Variants in GAREM1 observed in about 807,000 individuals in gnomAD.
GAREM1 encodes GRB2-associated and regulator of MAPK protein 1.
GAREM1 carries 26 observed loss-of-function variants against 71.3 expected under a neutral mutation model. The observed-to-expected ratio is 0.36, with a 90% confidence interval of 0.27 to 0.51. The LOEUF is 0.51. Ranked by LOEUF, GAREM1 falls within the 20% of genes least tolerant of loss-of-function variation. The probability of loss-of-function intolerance (pLI) is 0.95; values close to 1 mark genes in which losing one functional copy is unlikely to be tolerated. For missense variants in GAREM1, 1,026 were observed against 1,103.1 expected, an observed-to-expected ratio of 0.93 and a Z score of 0.99; for synonymous variants, 440 against 433.2, an observed-to-expected ratio of 1.02 and a Z score of -0.20.
chr18:32,358,720 C>A (rs974984466), intron 2 of GAREM1, among the ~76,000 whole-genome samples: 2 of 152,124 alleles, frequency 1.3e-5, no homozygotes, highest in African/African-American at 4.8e-5. Flanking sequence ...TTACGTCAAT[C>A]CTGGTGGCCT....
At chr18:32,367,940 T>C (rs1220877881) in intron 2 of GAREM1, among the ~76,000 whole-genome samples, 5 of 152,350 alleles carry the variant, frequency 3.3e-5, no homozygotes, top group African/African-American at 1.2e-4. Context: ...CATGAAATGT[T>C]TGAGACGTTC....
intron 3 of GAREM1, 115 bp downstream of exon 3, chr18:32,310,078 T>C: frequency 8.6e-7 from 1 of 1,160,316 alleles, no homozygotes; most frequent in Non-Finnish European, 1.2e-6. Context: ...CCACTAACTA[T>C]TAGAAGATAA....
At chr18:32,424,625 A>G (rs759763097) in intron 1 of GAREM1, among the ~76,000 whole-genome samples, 12 of 152,330 alleles carry the variant, frequency 7.9e-5, no homozygotes, top group Non-Finnish European at 1.8e-4. Flanking sequence ...AACTATATCA[A>G]GATACTGTAT....
At chr18:32,363,954 A>G (rs4485446) in intron 2 of GAREM1, among the ~76,000 whole-genome samples, 11,034 of 136,918 alleles carry the variant, frequency 0.081, 801 homozygotes, top group African/African-American at 0.18. Context: ...ATGTATAATT[A>G]TAAATACATA....
chr18:32,305,048 A>G (rs1393329717), intron 3 of GAREM1, among the ~76,000 whole-genome samples: 1 of 152,040 alleles, frequency 6.6e-6, no homozygotes, highest in African/African-American at 2.4e-5. Context: ...AGCCTATTAC[A>G]GTTAAAAAAA....
intron 3 of GAREM1, among the ~76,000 whole-genome samples, chr18:32,308,794 T>C (rs972674941): frequency 1.3e-5 from 2 of 150,426 alleles, no homozygotes; most frequent in Non-Finnish European, 3.0e-5. Context: ...AAATATAAAA[T>C]ATCACTCATC....
At chr18:32,394,463 T>C (rs140370141) in intron 1 of GAREM1, among the ~76,000 whole-genome samples, 38 of 152,224 alleles carry the variant, frequency 2.5e-4, no homozygotes, top group African/African-American at 8.9e-4. Flanking sequence ...GAATACTTTA[T>C]AGTGCAAAAT....
At chr18:32,300,161 G>A (rs949887033) in intron 3 of GAREM1, among the ~76,000 whole-genome samples, 1 of 152,150 alleles carries the variant, frequency 6.6e-6, no homozygotes, top group Non-Finnish European at 1.5e-5. Context: ...CCAGAAACTG[G>A]CTAGCTAGAA....
chr18:32,442,148 G>C (rs2048744545), intron 1 of GAREM1, among the ~76,000 whole-genome samples: 1 of 152,088 alleles, frequency 6.6e-6, no homozygotes, highest in African/African-American at 2.4e-5. Flanking sequence ...ACTTAGCACT[G>C]CTAAGTAAAC....
intron 1 of GAREM1, among the ~76,000 whole-genome samples, chr18:32,411,082 C>A (rs1490511573): frequency 6.6e-6 from 1 of 152,204 alleles, no homozygotes; most frequent in Non-Finnish European, 1.5e-5. Flanking sequence ...GGATTACAGG[C>A]ATGAGCCACC....
chr18:32,412,569 C>T (rs1411732002), intron 1 of GAREM1: 1 of 1,594,020 alleles, frequency 6.3e-7, no homozygotes. Flanking sequence ...ACGACCACCA[C>T]CAAAGTTTCC....
chr18:32,405,052 A>G (rs2144676336), intron 1 of GAREM1, among the ~76,000 whole-genome samples: 1 of 152,332 alleles, frequency 6.6e-6, no homozygotes, highest in Non-Finnish European at 1.5e-5. Flanking sequence ...AAGCTGTTCA[A>G]GTGATAATAC....
At chr18:32,300,096 C>T (rs1339747291) in intron 3 of GAREM1, among the ~76,000 whole-genome samples, 2 of 152,104 alleles carry the variant, frequency 1.3e-5, no homozygotes, top group African/African-American at 4.8e-5. Flanking sequence ...TTATAAAATA[C>T]TGAAAGGAAA....
At chr18:32,328,137 A>C (rs1425358487) in intron 2 of GAREM1, among the ~76,000 whole-genome samples, 1 of 152,216 alleles carries the variant, frequency 6.6e-6, no homozygotes, top group Non-Finnish European at 1.5e-5. Flanking sequence ...GCAGTGTATG[A>C]AGTGCTAAGG....
chr18:32,296,660 T>G (rs1280886121), intron 3 of GAREM1, among the ~76,000 whole-genome samples: 1 of 151,766 alleles, frequency 6.6e-6, no homozygotes, highest in African/African-American at 2.4e-5. Flanking sequence ...TCCATAGGAC[T>G]TGTAGTTTCA....
At chr18:32,460,115 TA>T (rs35244955) in intron 1 of GAREM1, among the ~76,000 whole-genome samples, 6,467 of 133,378 alleles carry the variant, frequency 0.048, 242 homozygotes, top group African/African-American at 0.11. Flanking sequence ...TCATCTTATT[TA>T]AAAAAAAAAA....
chr18:32,439,645 C>CT (rs34313807), intron 1 of GAREM1, among the ~76,000 whole-genome samples: 33,016 of 146,086 alleles, frequency 0.23, 4,132 homozygotes, highest in East Asian at 0.38. Context: ...ACCAAATGAG[C>CT]TTTTTTTTTT....
chr18:32,448,375 A>G (rs1489142340), intron 1 of GAREM1, among the ~76,000 whole-genome samples: 1 of 152,210 alleles, frequency 6.6e-6, no homozygotes, highest in Non-Finnish European at 1.5e-5. Context: ...TTGATGTCAG[A>G]ACCTAAGTGT....
At position 32,408,951 on chromosome 18, in the gene GAREM1, G is replaced by C. The variant is rs1325164093; in HGVS notation, c.122-15916C>G. On this transcript the variant is annotated intron_variant, in intron 1 of 5. Transcript: ENST00000269209. ...CTTCTAATTCCTATATTGACTAGCA[G>C]TGTAAAATGTTTAGAAAAGTAATGA... Among the ~76,000 whole-genome samples, 3 of 152,156 alleles carry C rather than the reference G, an allele frequency of 2.0e-5. No homozygotes were observed. In the East Asian group the frequency reaches 5.8e-4, roughly 29 times the overall value.
Sources: gnomAD v4.1 joint callset for allele counts (sites outside exome capture counted in the v4.1 genomes callset) on GRCh38, gnomAD v4.1.1 for gene constraint, MANE v1.5 for transcripts, NCBI Gene and HGNC (gene_info 2026-07-23, HGNC 2026-07-21) for gene names.